ARHGAP12: variants seen among roughly 807,000 people sequenced by gnomAD.
ARHGAP12 encodes Rho GTPase activating protein 12.
Under a neutral mutation model 108.6 loss-of-function variants are expected in ARHGAP12, and 64 were observed. That is an observed-to-expected ratio of 0.59 (90% CI 0.48 to 0.73). The LOEUF is 0.73. Ranked by LOEUF, ARHGAP12 falls within the 30% of genes least tolerant of loss-of-function variation. The probability of loss-of-function intolerance (pLI) is 0.00; values close to 1 mark genes in which losing one functional copy is unlikely to be tolerated. For missense variants in ARHGAP12, 940 were observed against 1,005.9 expected, an observed-to-expected ratio of 0.93 and a Z score of 0.89; for synonymous variants, 312 against 337.2, an observed-to-expected ratio of 0.93 and a Z score of 0.82.
At chr10:31,859,334 C>T (rs1001519390) in intron 4 of ARHGAP12, among the ~76,000 whole-genome samples, 1 of 152,188 alleles carries the variant, frequency 6.6e-6, no homozygotes, top group Non-Finnish European at 1.5e-5. Flanking sequence ...ACTGGGGATT[C>T]CCCAAAGAGG....
At chr10:31,912,133 T>A (rs1325982941) in intron 1 of ARHGAP12, among the ~76,000 whole-genome samples, 2 of 152,222 alleles carry the variant, frequency 1.3e-5, no homozygotes, top group African/African-American at 4.8e-5. Flanking sequence ...CTTTGATCAT[T>A]TACCTATACA....
intron 13 of ARHGAP12, among the ~76,000 whole-genome samples, chr10:31,814,996 T>C (rs1835148103): frequency 6.6e-6 from 1 of 151,646 alleles, no homozygotes; most frequent in East Asian, 1.9e-4. Flanking sequence ...GGCACACGCC[T>C]GTAGTCCCAG....
chr10:31,921,236 A>G (rs1438646528), intron 1 of ARHGAP12, among the ~76,000 whole-genome samples: 1 of 152,188 alleles, frequency 6.6e-6, no homozygotes, highest in Non-Finnish European at 1.5e-5. Flanking sequence ...GCAGTTTGTG[A>G]CACTGCACTT....
At position 31,839,730 on chromosome 10, in the gene ARHGAP12, G is replaced by T; in HGVS notation, c.1297-19C>A. Reference sequence around the variant, plus strand: ...GAGATTCCTACAAGAAATAAGTAATGAAAAAAGTTACTCTATTTTATATAA... The same window carrying T: ...GAGATTCCTACAAGAAATAAGTAATTAAAAAAGTTACTCTATTTTATATAA... On this transcript the variant is annotated intron_variant, in intron 7 of 19. Coordinates refer to ENST00000344936, the MANE Select transcript of ARHGAP12 (RefSeq NM_018287.7). 1 of 1,571,226 alleles carries T rather than the reference G, an allele frequency of 6.4e-7. No individual in the cohort carries two copies. Among genetic ancestry groups the T allele is most frequent in the African/African-American group, 1.4e-5 (1 of 73,910 alleles).
chr10:31,918,718 A>AT (rs1839667276), intron 1 of ARHGAP12, among the ~76,000 whole-genome samples: 1 of 152,206 alleles, frequency 6.6e-6, no homozygotes. Context: ...ATAAATAAAT[A>AT]TAACTAAATA....
At chr10:31,815,857 C>A (rs943263421) in intron 13 of ARHGAP12, among the ~76,000 whole-genome samples, 3 of 151,990 alleles carry the variant, frequency 2.0e-5, no homozygotes, top group African/African-American at 2.4e-5. Flanking sequence ...ATTTCTTAAT[C>A]AAAAATATAG....
intron 3 of ARHGAP12, among the ~76,000 whole-genome samples, chr10:31,889,494 C>T (rs1490239192): frequency 2.0e-5 from 3 of 151,942 alleles, no homozygotes; most frequent in Non-Finnish European, 4.4e-5. Context: ...GAAGGTATTA[C>T]TTTCTACTTT....
At chr10:31,894,348 C>T (rs1305228181) in intron 3 of ARHGAP12, among the ~76,000 whole-genome samples, 2 of 151,850 alleles carry the variant, frequency 1.3e-5, no homozygotes, top group East Asian at 3.9e-4. Context: ...TCTAGAAAAC[C>T]CCATCGTCTC....
At chr10:31,877,994 A>G (rs2799024) in intron 3 of ARHGAP12, among the ~76,000 whole-genome samples, 80,448 of 151,870 alleles carry the variant, frequency 0.53, 21,854 homozygotes, top group African/African-American at 0.63. Context: ...TGAGGTGGGC[A>G]GATCACCTGA....
intron 1 of ARHGAP12, among the ~76,000 whole-genome samples, chr10:31,912,443 T>G (rs1447111536): frequency 2.0e-5 from 3 of 152,190 alleles, no homozygotes; most frequent in Admixed American, 6.5e-5. Context: ...CAGTCCACAT[T>G]CAATCTCTTT....
rs571462716 is a variant in ARHGAP12, at chr10:31,875,723, G to T, written c.685-14065C>A. ...TGTACCACTTTAACCATTCTCATGT[G>T]TACAGGTCGGTCACACTAAGTACTT... On this transcript the variant is annotated intron_variant, in intron 3 of 19. Transcript: ENST00000344936. Among the ~76,000 whole-genome samples the T allele has an allele frequency of 8.6e-4, 131 of 152,240 alleles. No individual in the cohort carries two copies. The Middle Eastern group carries it at 0.01, about 12-fold the overall frequency.
intron 15 of ARHGAP12, among the ~76,000 whole-genome samples, chr10:31,811,009 A>G (rs900446675): frequency 1.3e-5 from 2 of 152,150 alleles, no homozygotes; most frequent in Non-Finnish European, 2.9e-5. Flanking sequence ...TTTCTACCCA[A>G]TTTGGCTCCT....
intron 3 of ARHGAP12, among the ~76,000 whole-genome samples, chr10:31,888,115 C>A (rs186126252): frequency 1.3e-5 from 2 of 152,140 alleles, no homozygotes; most frequent in Non-Finnish European, 2.9e-5. Context: ...TGGCCTGGTA[C>A]AGAATACATA....
intron 9 of ARHGAP12, among the ~76,000 whole-genome samples, chr10:31,836,668 A>G (rs1041544): frequency 0.24 from 35,803 of 152,012 alleles, 4,543 homozygotes; most frequent in East Asian, 0.47. Flanking sequence ...CTTTATACCA[A>G]TCAGATTTTA....
At chr10:31,889,619 GTTTTTTTTTT>G (rs869116452) in intron 3 of ARHGAP12, among the ~76,000 whole-genome samples, 7 of 66,446 alleles carry the variant, frequency 1.1e-4, no homozygotes, top group South Asian at 6.8e-4. Flanking sequence ...AATTTTTCTC[GTTTTTTTTTT>G]TTTTTTTTTT....
intron 4 of ARHGAP12, among the ~76,000 whole-genome samples, chr10:31,854,985 AAGGAGG>A (rs542231961): frequency 8.2e-4 from 111 of 134,572 alleles, no homozygotes; most frequent in Middle Eastern, 3.6e-3. Flanking sequence ...AAAGAAGAAC[AAGGAGG>A]AGGAGGAGGA....
intron 1 of ARHGAP12, among the ~76,000 whole-genome samples, chr10:31,924,019 A>T (rs1356708893): frequency 6.6e-6 from 1 of 152,204 alleles, no homozygotes. Flanking sequence ...AGGTATCACT[A>T]CTCACCTACT....
intron 3 of ARHGAP12, among the ~76,000 whole-genome samples, chr10:31,863,752 T>C (rs1440334136): frequency 6.6e-6 from 1 of 152,180 alleles, no homozygotes; most frequent in Non-Finnish European, 1.5e-5. Context: ...TCTCATATTG[T>C]AATTCTTTAG....
At chr10:31,892,185 G>C (rs529489867) in intron 3 of ARHGAP12, among the ~76,000 whole-genome samples, 1 of 152,120 alleles carries the variant, frequency 6.6e-6, no homozygotes, top group Non-Finnish European at 1.5e-5. Context: ...ATCGAGGCTA[G>C]GAAGAAACTG....
Sources: allele counts gnomAD v4.1 joint callset (sites outside exome capture counted in the v4.1 genomes callset), GRCh38; gene constraint gnomAD v4.1.1; transcripts MANE v1.5; gene names NCBI Gene and HGNC (gene_info 2026-07-23, HGNC 2026-07-21).